WDR5: variants seen among roughly 807,000 people sequenced by gnomAD.
WDR5 encodes WD repeat domain 5.
For missense variants in WDR5, 187 were observed against 416.9 expected (o/e 0.45, Z 4.80); for synonymous variants, 144 against 161.6 (o/e 0.89, Z 0.83).
chr9:134,153,747 C>CGCG (rs1554727918), intron 9 of WDR5, among the ~76,000 whole-genome samples: 1 of 151,574 alleles, frequency 6.6e-6, no homozygotes, highest in African/African-American at 2.4e-5. Flanking sequence ...GCTTGGGGGT[C>CGCG]GGTGGGGGTC....
At chr9:134,136,223 C>T (rs1831543336) in intron 1 of WDR5, 23 bp downstream of exon 1, 1 of 148,238 alleles carries the variant, frequency 6.7e-6, no homozygotes, top group Non-Finnish European at 1.5e-5. Context: ...CCGCCCGGCC[C>T]GGGGAACACA....
At chr9:134,156,222 C>G (rs191025267) in intron 12 of WDR5, among the ~76,000 whole-genome samples, 2 of 152,352 alleles carry the variant, frequency 1.3e-5, no homozygotes, top group African/African-American at 4.8e-5. Context: ...AAAGGGTGAC[C>G]TGAGAAGCAT....
rs1018413821 is a variant in WDR5 at position 134,159,643 on chromosome 9, C to A, written c.*1650C>A. ...TCCGATGAGGTGTACGGATGAGTGACCTGCACTAAGAAGTGAGTTGCCACA... is the reference window on the plus strand; with the variant it reads ...TCCGATGAGGTGTACGGATGAGTGAACTGCACTAAGAAGTGAGTTGCCACA... On this transcript the variant is annotated 3_prime_UTR_variant, in exon 14 of 14. Transcript: ENST00000358625. The surrounding 1 kb of genome is among the most constrained non-coding windows in gnomAD (Gnocchi z 4.3). 2 of 152,246 alleles carry A rather than the reference C, an allele frequency of 1.3e-5. No homozygotes were observed. The highest frequency in any genetic ancestry group is 2.9e-5 in the Non-Finnish European group (2 of 68,078). 9.4% of individuals were successfully genotyped at this position (152,246 alleles called of 1,614,324 possible).
At chr9:134,144,703 A>G (rs1832080421) in intron 7 of WDR5, among the ~76,000 whole-genome samples, 1 of 152,034 alleles carries the variant, frequency 6.6e-6, no homozygotes, top group South Asian at 2.1e-4. Context: ...AGCCGGGCGT[A>G]GTGATGCGCA....
chr9:134,141,930 C>G lies in WDR5; in HGVS notation c.265-19C>G. The G allele has an allele frequency of 6.2e-7, 1 of 1,612,022 alleles. No homozygotes were observed. Among genetic ancestry groups the G allele is most frequent in the Non-Finnish European group, 8.5e-7 (1 of 1,178,240 alleles). ...TATTTTGTCCTGTCAAGTTACTGAC[C>G]CTGTTTTTTCTCCCCAAGGGAATAT... is the stretch of plus-strand genomic sequence containing the variant. On this transcript the variant is annotated intron_variant, in intron 4 of 13. Coordinates refer to ENST00000358625, the MANE Select transcript of WDR5 (RefSeq NM_017588.3).
chr9:134,140,015 T>C lies in WDR5; in HGVS notation c.81+57T>C. ...CGGGGGCAAATACGCTTAGAGAGTC[T>C]CGGAAACATCTCAAGCTCATAAGCC... On this transcript the variant is annotated intron_variant, in intron 2 of 13. Coordinates refer to ENST00000358625, the MANE Select transcript of WDR5 (RefSeq NM_017588.3). 3.8e-6 allele frequency: 6 copies of C among 1,586,346 alleles called. No individual in the cohort carries two copies. The South Asian group carries it at 6.6e-5, about 18-fold the overall frequency.
At chr9:134,146,324 T>C (rs1003251308) in intron 7 of WDR5, among the ~76,000 whole-genome samples, 1 of 151,748 alleles carries the variant, frequency 6.6e-6, no homozygotes, top group African/African-American at 2.4e-5. Flanking sequence ...AACCTCCGCC[T>C]CCTGGGTTAA....
chr9:134,153,885 ACT>A (rs1456720620), intron 9 of WDR5, among the ~76,000 whole-genome samples: 1 of 150,364 alleles, frequency 6.7e-6, no homozygotes, highest in Non-Finnish European at 1.5e-5. Context: ...TGTCCTGAAA[ACT>A]CTGACCTGTA....
Position 134,142,411 on chromosome 9 carries a change from G to A in WDR5, c.433G>A (p.Val145Ile), listed in dbSNP as rs760064497. 1.2e-6 allele frequency: 2 copies of A among 1,614,064 alleles called. No homozygotes were observed. The highest frequency in any genetic ancestry group is 1.7e-6 in the Non-Finnish European group (2 of 1,180,034). The change falls in exon 6 of 14, where the codon GTC (valine) becomes ATC (isoleucine). Residue 145 changes from valine (V) to isoleucine (I), a missense_variant. Val to Ile is a conservative substitution (Grantham distance 29). Coordinates refer to ENST00000358625, the MANE Select transcript of WDR5 (RefSeq NM_017588.3). ...CTTCAATCCCCAGTCCAACCTTATT[G>A]TCTCAGGATCCGTAAGTGTGGCTGG... ...CNFNPQSNLI[V>I]SGSFDESVRI...
chr9:134,154,359 C>T (rs142246253), intron 9 of WDR5, 107 bp from the exon 10 acceptor site: 16 of 1,156,618 alleles, frequency 1.4e-5, no homozygotes, highest in Middle Eastern at 2.0e-4. Flanking sequence ...TGGTGGTGGC[C>T]GACCTCACTC....
chr9:134,149,250 C>T (rs1168509249), intron 8 of WDR5, among the ~76,000 whole-genome samples: 5 of 152,120 alleles, frequency 3.3e-5, no homozygotes, highest in Non-Finnish European at 4.4e-5. Flanking sequence ...TCGAGTTGCA[C>T]CCAACCACCG....
chr9:134,156,644 G>A (rs1438403991), intron 13 of WDR5, 51 bp downstream of exon 13: 1 of 1,583,784 alleles, frequency 6.3e-7, no homozygotes, highest in Non-Finnish European at 8.7e-7. Flanking sequence ...TGTGAGGACA[G>A]TTCCTGCAGG....
At chr9:134,148,885 G>A (rs1417269568) in intron 8 of WDR5, among the ~76,000 whole-genome samples, 1 of 152,188 alleles carries the variant, frequency 6.6e-6, no homozygotes, top group Non-Finnish European at 1.5e-5. Flanking sequence ...CACTCCTCAG[G>A]AGACACAAGG....
chr9:134,151,271 C>T (rs1832471600), intron 8 of WDR5, among the ~76,000 whole-genome samples: 1 of 152,138 alleles, frequency 6.6e-6, no homozygotes, highest in South Asian at 2.1e-4. Flanking sequence ...GTGTGCAGAG[C>T]AGAGAGCTTC....
chr9:134,138,462 A>C (rs1831697946), intron 1 of WDR5, among the ~76,000 whole-genome samples: 7 of 152,142 alleles, frequency 4.6e-5, no homozygotes, highest in Admixed American at 4.6e-4. Flanking sequence ...AGTTGGGTTA[A>C]ATTGGCATGG....
chr9:134,138,921 T>C (rs770639158), intron 1 of WDR5, among the ~76,000 whole-genome samples: 2 of 152,202 alleles, frequency 1.3e-5, no homozygotes, highest in African/African-American at 4.8e-5. Context: ...CTTTTAAAAA[T>C]GCTGTCCCTC....
chr9:134,146,905 C>T (rs763051790), intron 7 of WDR5, among the ~76,000 whole-genome samples: 2 of 152,168 alleles, frequency 1.3e-5, no homozygotes, highest in Non-Finnish European at 2.9e-5. Flanking sequence ...GTGAGAGCAC[C>T]CTGTTGGAGC....
At chr9:134,143,595 C>G (rs183353895) in intron 7 of WDR5, among the ~76,000 whole-genome samples, 5 of 149,210 alleles carry the variant, frequency 3.4e-5, no homozygotes, top group Admixed American at 3.3e-4. Flanking sequence ...GTTGCGATCT[C>G]GGCTCACTGC....
At chr9:134,145,228 A>G (rs1050181459) in intron 7 of WDR5, among the ~76,000 whole-genome samples, 10 of 149,450 alleles carry the variant, frequency 6.7e-5, no homozygotes, top group African/African-American at 2.5e-4. Flanking sequence ...CCTCCCAAGT[A>G]CCTGGGATTA....
Sources: gnomAD v4.1 joint callset for allele counts (sites outside exome capture counted in the v4.1 genomes callset) on GRCh38, gnomAD v4.1.1 for gene constraint, Gnocchi (gnomAD v3.1) non-coding constraint, MANE v1.5 for transcripts, NCBI Gene and HGNC (gene_info 2026-07-23, HGNC 2026-07-21) for gene names.